Variants in DTNA observed in about 807,000 individuals in gnomAD.
The protein encoded by DTNA is dystrophin-related protein 3.
Under a neutral mutation model 100.7 loss-of-function variants are expected in DTNA, and 43 were observed. The observed-to-expected ratio is 0.43, with a 90% CI of 0.33 to 0.55. The LOEUF (loss-of-function observed/expected upper bound fraction) is 0.55. Among genes scored for constraint, DTNA ranks in the 20% least tolerant of loss-of-function variants. DTNA has a pLI of 0.04. For synonymous variants in DTNA, 349 were observed against 347.9 expected (o/e 1.00, Z -0.04); for missense variants, 798 against 953.9 (o/e 0.84, Z 2.15).
At chr18:34,716,954 C>T (rs572385010) in intron 1 of DTNA, among the ~76,000 whole-genome samples, 32 of 152,006 alleles carry the variant, frequency 2.1e-4, no homozygotes, top group Non-Finnish European at 1.8e-4. Context: ...GAGAAAATAA[C>T]AAAATATTTT....
intron 11 of DTNA, among the ~76,000 whole-genome samples, chr18:34,832,504 C>G (rs1333103441): frequency 5.3e-5 from 8 of 152,264 alleles, no homozygotes; most frequent in Non-Finnish European, 7.3e-5. Flanking sequence ...TCTGCATGCC[C>G]TATACCAAGC....
chr18:34,868,575 A>G (rs1280347524), intron 17 of DTNA: 5 of 985,336 alleles, frequency 5.1e-6, no homozygotes, highest in Non-Finnish European at 6.0e-6. Flanking sequence ...ACACCCCCAC[A>G]CAACAAATTG....
chr18:34,759,467 G>A (rs1023442570), intron 2 of DTNA, among the ~76,000 whole-genome samples: 1 of 152,150 alleles, frequency 6.6e-6, no homozygotes, highest in Non-Finnish European at 1.5e-5. Context: ...GCTGAATCAA[G>A]CCTTGTTTAA....
intron 1 of DTNA, among the ~76,000 whole-genome samples, chr18:34,729,132 A>G (rs1333312764): frequency 6.6e-6 from 1 of 152,266 alleles, no homozygotes; most frequent in African/African-American, 2.4e-5. Context: ...ACTCATAGGT[A>G]TAATACCAAA....
At chr18:34,705,064 TA>T (rs1600509684) in intron 1 of DTNA, among the ~76,000 whole-genome samples, 1 of 152,212 alleles carries the variant, frequency 6.6e-6, no homozygotes, top group East Asian at 1.9e-4. Context: ...CCCAACGTAC[TA>T]AAAGGCCATA....
chr18:34,664,175 A>G lies in DTNA; in HGVS notation c.-1-91801A>G, dbSNP rs147220006. Among the ~76,000 whole-genome samples the G allele has an allele frequency of 1.9e-3, 285 of 152,266 alleles. 1 individual carries two copies. Among genetic ancestry groups the G allele is most frequent in the African/African-American group, 6.6e-3 (274 of 41,568 alleles). On this transcript the variant is annotated intron_variant, in intron 1 of 19. Coordinates refer to the DTNA transcript ENST00000283365. Reference sequence around the variant, plus strand: ...TGGAGTTTCTTCATATTTGTCAACCAAAACATATTCCAATAGATTAAATGC... The same window carrying G: ...TGGAGTTTCTTCATATTTGTCAACCGAAACATATTCCAATAGATTAAATGC...
chr18:34,722,560 CTATT>C (rs767956272), intron 1 of DTNA, among the ~76,000 whole-genome samples: 31 of 151,474 alleles, frequency 2.0e-4, no homozygotes, highest in Admixed American at 4.0e-4. Flanking sequence ...ATGAACTAAA[CTATT>C]TAAATTGTAC....
At chr18:34,530,165 C>T (rs1589478) in intron 1 of DTNA, among the ~76,000 whole-genome samples, 2,308 of 152,170 alleles carry the variant, frequency 0.015, 66 homozygotes, top group African/African-American at 0.053. Context: ...CACTGTCTGC[C>T]CGGGCAGAGC....
chr18:34,869,520 A>G (rs1178782227), intron 17 of DTNA, among the ~76,000 whole-genome samples: 1 of 152,272 alleles, frequency 6.6e-6, no homozygotes. Flanking sequence ...AACATTAGAT[A>G]TGATCCTAGA....
chr18:34,848,268 G>C (rs377041786), intron 13 of DTNA, 28 bp from the exon 14 acceptor site: 99 of 1,610,532 alleles, frequency 6.1e-5, no homozygotes, highest in Non-Finnish European at 8.2e-5. Flanking sequence ...GTTGCCTAAC[G>C]GTCTCCTTCT....
At chr18:34,558,699 A>T (rs997372554) in intron 1 of DTNA, among the ~76,000 whole-genome samples, 3 of 152,210 alleles carry the variant, frequency 2.0e-5, no homozygotes, top group Non-Finnish European at 4.4e-5. Context: ...TCTCTTTGTC[A>T]TACAGTGGTA....
chr18:34,829,207 A>C (rs1602860642), intron 10 of DTNA, 193 bp from the exon 11 acceptor site: 1 of 1,571,796 alleles, frequency 6.4e-7, no homozygotes, highest in East Asian at 2.4e-5. Flanking sequence ...TCATTTTGGA[A>C]TGTTCTCTGT....
intron 1 of DTNA, among the ~76,000 whole-genome samples, chr18:34,667,520 T>C (rs2076109797): frequency 6.6e-6 from 1 of 152,242 alleles, no homozygotes; most frequent in South Asian, 2.1e-4. Flanking sequence ...AAGGGAATGC[T>C]TCCAGTTTTT....
intron 2 of DTNA, among the ~76,000 whole-genome samples, chr18:34,756,747 C>T (rs1340513666): frequency 1.3e-5 from 2 of 152,120 alleles, no homozygotes; most frequent in Non-Finnish European, 1.5e-5. Context: ...TGGTTGGTAG[C>T]ATCTCCCTTG....
chr18:34,551,079 C>A (rs2045356765), intron 1 of DTNA, among the ~76,000 whole-genome samples: 1 of 152,148 alleles, frequency 6.6e-6, no homozygotes, highest in East Asian at 1.9e-4. Flanking sequence ...TGAGCCTGAG[C>A]TTTTACTATT....
At chr18:34,524,618 A>C (rs1230941833) in intron 1 of DTNA, among the ~76,000 whole-genome samples, 1 of 152,170 alleles carries the variant, frequency 6.6e-6, no homozygotes, top group African/African-American at 2.4e-5. Flanking sequence ...ATTGATATCC[A>C]TTACTGGATT....
At position 34,888,544 on chromosome 18, in the gene DTNA, A is replaced by T; in HGVS notation, c.*810A>T. 3.0e-6 allele frequency: 3 copies of T among 985,564 alleles called. No individual in the cohort carries two copies. The highest frequency in any genetic ancestry group is 3.6e-6 in the Non-Finnish European group (3 of 829,674). 61.1% of individuals were successfully genotyped at this position (985,564 alleles called of 1,614,324 possible). A position where few individuals can be genotyped will look rare whatever the true frequency, so the allele number is the denominator to read the frequency against. On this transcript the variant is annotated 3_prime_UTR_variant, in exon 23 of 23. Coordinates refer to ENST00000444659, the MANE Select transcript of DTNA (RefSeq NM_001386795.1). ...AGTGTAAATATTTTTTTTTCCAAAT[A>T]GATATCATATTCAAAAAAGGCAGCA...
At chr18:34,874,813 A>T (rs1010582766) in intron 17 of DTNA, among the ~76,000 whole-genome samples, 2 of 152,246 alleles carry the variant, frequency 1.3e-5, no homozygotes, top group Non-Finnish European at 2.9e-5. Context: ...TAATGCTAGT[A>T]CAGTCAGGTT....
At chr18:34,567,824 T>C (rs895684184) in intron 1 of DTNA, among the ~76,000 whole-genome samples, 1 of 152,186 alleles carries the variant, frequency 6.6e-6, no homozygotes, top group African/African-American at 2.4e-5. Flanking sequence ...TGTAACTAAT[T>C]AGAATTTAAT....
Sources: allele counts gnomAD v4.1 joint callset (sites outside exome capture counted in the v4.1 genomes callset), GRCh38; gene constraint gnomAD v4.1.1; transcripts MANE v1.5; gene names NCBI Gene and HGNC (gene_info 2026-07-23, HGNC 2026-07-21).